Variants in NGB observed in about 807,000 individuals in gnomAD.
The protein encoded by NGB is nitrite reductase.
NGB carries 12 observed loss-of-function variants against 17.3 expected under a neutral mutation model. The ratio of observed to expected loss-of-function variants is 0.69; its 90% CI spans 0.45 to 1.13. The LOEUF (loss-of-function observed/expected upper bound fraction) is 1.13. NGB is among the 50% of genes most tolerant of loss of function. The pLI, the probability that NGB is intolerant of heterozygous loss-of-function variation, is 0.00. For synonymous variants in NGB, 87 were observed against 81.0 expected (o/e 1.07, Z -0.40); for missense variants, 195 against 191.7 (o/e 1.02, Z -0.10).
Position 77,266,582 on chromosome 14 carries a change from T to C in NGB, c.410A>G (p.Tyr137Cys), listed in dbSNP as rs368186692. 1.5e-5 allele frequency: 24 copies of C among 1,614,148 alleles called. No individual in the cohort carries two copies. The Middle Eastern group carries it at 4.9e-4, about 33-fold the overall frequency. ...PATRAAWSQLYGAVVQAMSRG... is the reference protein window; with the variant it reads ...PATRAAWSQLCGAVVQAMSRG... ...ACTCATGGCCTGCACTACGGCCCCG[T>C]AGAGTTGGCTCCAGGCAGCCCGTGT... The change falls in exon 4 of 4, where the codon TAC (tyrosine) becomes TGC (cysteine). Residue 137 changes from tyrosine (Y) to cysteine (C), a missense_variant. Coordinates refer to ENST00000298352, the MANE Select transcript of NGB (RefSeq NM_021257.4).
At chr14:77,270,820 G>C (rs1447381130) in intron 1 of NGB, 29 bp downstream of exon 1, 3 of 1,530,820 alleles carry the variant, frequency 2.0e-6, no homozygotes, top group Non-Finnish European at 2.6e-6. Context: ...GCCTCCACCC[G>C]CATCCCCGGG....
At chr14:77,268,683 C>A in intron 2 of NGB, 98 bp from the exon 3 acceptor site, 1 of 1,489,634 alleles carries the variant, frequency 6.7e-7, no homozygotes, top group Non-Finnish European at 9.2e-7. Flanking sequence ...GCAAGAGAGG[C>A]CAGTAGGACC....
Position 77,271,205 on chromosome 14 carries a change from C to G in NGB, c.-268G>C. On this transcript the variant is annotated 5_prime_UTR_variant, in exon 1 of 4. Coordinates refer to ENST00000298352, the MANE Select transcript of NGB (RefSeq NM_021257.4). ...GCGCCCCGCAGCCGCCAGAGCCGCC[C>G]CACCCCGCGACGCCTGGGCTGGGCG... is the stretch of plus-strand genomic sequence containing the variant. 5.2e-6 allele frequency: 2 copies of G among 383,324 alleles called. No individual in the cohort carries two copies. The highest frequency in any genetic ancestry group is 8.7e-5 in the East Asian group (2 of 22,948). 23.7% of individuals were successfully genotyped at this position (383,324 alleles called of 1,614,324 possible). A position where few individuals can be genotyped will look rare whatever the true frequency, so the allele number is the denominator to read the frequency against.
At chr14:77,270,814 C>G in intron 1 of NGB, 35 bp downstream of exon 1, 1 of 1,517,300 alleles carries the variant, frequency 6.6e-7, no homozygotes, top group Non-Finnish European at 8.9e-7. Flanking sequence ...GAGGCAGCCT[C>G]CACCCGCATC....
chr14:77,267,005 G>A (rs1189380595), intron 3 of NGB, among the ~76,000 whole-genome samples: 1 of 152,248 alleles, frequency 6.6e-6, no homozygotes, highest in Non-Finnish European at 1.5e-5. Context: ...TTCCTCATCT[G>A]CAAGGCAGCA....
Position 77,266,115 on chromosome 14 carries a change from G to T in NGB, c.*421C>A. ...AAGCAGTGAAGGGACTGGGCAGGCA[G>T]GACAGAAGGCGCTGGAAGCTCAGCC... On this transcript the variant is annotated 3_prime_UTR_variant, in exon 4 of 4. Transcript: ENST00000298352. The T allele has an allele frequency of 2.0e-6, 1 of 487,902 alleles. No homozygotes were observed. Among genetic ancestry groups the T allele is most frequent in the South Asian group, 1.5e-5 (1 of 66,460 alleles). The allele number at this position is 487,902 out of a possible 1,614,324, so 30.2% of individuals were successfully genotyped here.
intron 1 of NGB, among the ~76,000 whole-genome samples, chr14:77,269,961 G>T (rs1446774310): frequency 6.6e-6 from 1 of 151,912 alleles, no homozygotes; most frequent in Non-Finnish European, 1.5e-5. Flanking sequence ...AGGTCACACA[G>T]CTTGGATGTA....
chr14:77,271,051 C>A lies in NGB; in HGVS notation c.-114G>T. 1 of 718,792 alleles carries A rather than the reference C, an allele frequency of 1.4e-6. No individual in the cohort carries two copies. Among genetic ancestry groups the A allele is most frequent in the South Asian group, 2.3e-5 (1 of 43,458 alleles). 44.5% of individuals were successfully genotyped at this position (718,792 alleles called of 1,614,324 possible). On this transcript the variant is annotated 5_prime_UTR_variant, in exon 1 of 4. Coordinates refer to ENST00000298352, the MANE Select transcript of NGB (RefSeq NM_021257.4). ...GGTCCCCTCCGCCCCTCGTACGCCC[C>A]CCGTGCCTCCGCCCGGCGGGGGCCG...
At chr14:77,268,640 C>T in intron 2 of NGB, 55 bp from the exon 3 acceptor site, 1 of 1,606,172 alleles carries the variant, frequency 6.2e-7, no homozygotes, top group East Asian at 2.2e-5. Context: ...CCCATCTGCT[C>T]ACAATCACAG....
At chr14:77,269,812 C>CG (rs1889741131) in intron 1 of NGB, among the ~76,000 whole-genome samples, 1 of 97,884 alleles carries the variant, frequency 1.0e-5, no homozygotes, top group Non-Finnish European at 2.3e-5. Flanking sequence ...CCCCCCCCCC[C>CG]CCCCCCCCCC....
At chr14:77,270,045 G>A (rs930447319) in intron 1 of NGB, among the ~76,000 whole-genome samples, 4 of 151,806 alleles carry the variant, frequency 2.6e-5, no homozygotes, top group Non-Finnish European at 5.9e-5. Context: ...GGCCCTCCTC[G>A]GCATTTGGGA....
chr14:77,269,091 C>T (rs1889713743), intron 2 of NGB, 124 bp downstream of exon 2: 1 of 648,400 alleles, frequency 1.5e-6, no homozygotes, highest in Non-Finnish European at 2.8e-6. Flanking sequence ...GGAGCTGTAC[C>T]CTGCTTGGGG....
chr14:77,268,272 G>T (rs2140142694), intron 3 of NGB, among the ~76,000 whole-genome samples, 194 bp downstream of exon 3: 1 of 152,322 alleles, frequency 6.6e-6, no homozygotes, highest in Non-Finnish European at 1.5e-5. Flanking sequence ...AGCCATATCA[G>T]AAAAGAGAAC....
intron 2 of NGB, 128 bp downstream of exon 2, chr14:77,269,087 G>C (rs531112209): frequency 6.3e-6 from 4 of 638,490 alleles, no homozygotes; most frequent in Non-Finnish European, 1.1e-5. Context: ...GAAAGGAGCT[G>C]TACCCTGCTT....
chr14:77,267,862 T>C (rs1429809463), intron 3 of NGB, among the ~76,000 whole-genome samples: 1 of 152,190 alleles, frequency 6.6e-6, no homozygotes, highest in Non-Finnish European at 1.5e-5. Flanking sequence ...CTTATCCATG[T>C]GAGTGGCTTT....
At position 77,266,571 on chromosome 14, in the gene NGB, C is replaced by G; in HGVS notation, c.421G>C (p.Val141Leu). ...TCCCAGCCTCGACTCATGGCCTGCACTACGGCCCCGTAGAGTTGGCTCCAG... is the reference window on the plus strand; with the variant it reads ...TCCCAGCCTCGACTCATGGCCTGCAGTACGGCCCCGTAGAGTTGGCTCCAG... ...AAWSQLYGAV[V>L]QAMSRGWDGE The change falls in exon 4 of 4, where the codon GTG becomes CTG. Residue 141 changes from valine to leucine, a missense_variant. By Grantham distance (32) the Val-to-Leu change is conservative. Coordinates refer to ENST00000298352, the MANE Select transcript of NGB (RefSeq NM_021257.4). The G allele has an allele frequency of 6.2e-7, 1 of 1,614,184 alleles. No individual in the cohort carries two copies. Among genetic ancestry groups the G allele is most frequent in the Non-Finnish European group, 8.5e-7 (1 of 1,180,042 alleles).
intron 3 of NGB, among the ~76,000 whole-genome samples, 200 bp downstream of exon 3, chr14:77,268,266 A>G (rs566821694): frequency 1.4e-4 from 21 of 152,222 alleles, no homozygotes; most frequent in Non-Finnish European, 2.1e-4. Context: ...AAAAGAAGCC[A>G]TATCAGAAAA....
intron 1 of NGB, among the ~76,000 whole-genome samples, chr14:77,269,807 C>G (rs1295686694): frequency 1.8e-5 from 2 of 108,312 alleles, no homozygotes; most frequent in African/African-American, 3.3e-5. Context: ...CCCCCCCCCC[C>G]CCCCCCCCCC....
rs1324154388 is a variant in NGB, at chr14:77,267,683, G to C, written c.321+783C>G. Among the ~76,000 whole-genome samples the C allele has an allele frequency of 3.9e-5, 6 of 152,134 alleles. No homozygotes were observed. In the East Asian group the frequency reaches 1.2e-3, roughly 29 times the overall value. On this transcript the variant is annotated intron_variant, in intron 3 of 3. Transcript: ENST00000298352. ...CCCTGGTAGATCAGGCACTATGCTGGTGCTGGGGATGGAGAGGAGGACAAG... is the reference window on the plus strand; with the variant it reads ...CCCTGGTAGATCAGGCACTATGCTGCTGCTGGGGATGGAGAGGAGGACAAG...
Sources: gnomAD v4.1 joint callset for allele counts (sites outside exome capture counted in the v4.1 genomes callset) on GRCh38, gnomAD v4.1.1 for gene constraint, MANE v1.5 for transcripts, NCBI Gene and HGNC (gene_info 2026-07-23, HGNC 2026-07-21) for gene names.